PLEK: variants seen among roughly 807,000 people sequenced by gnomAD.
PLEK encodes the protein platelet 47 kDa protein.
A neutral mutation model predicts 43.9 loss-of-function variants in PLEK; 25 were observed. That is an observed-to-expected ratio of 0.57 (90% CI 0.41 to 0.79). The LOEUF (loss-of-function observed/expected upper bound fraction) is 0.79, where lower values mean the gene tolerates loss of function less well. Ranked by LOEUF, PLEK falls within the 30% of genes least tolerant of loss-of-function variation. The pLI is 0.00. For synonymous variants in PLEK, 152 were observed against 144.4 expected, an observed-to-expected ratio of 1.05 and a Z score of -0.38; for missense variants, 396 against 413.3, an observed-to-expected ratio of 0.96 and a Z score of 0.36.
At chr2:68,374,197 A>G (rs1191810035) in intron 1 of PLEK, among the ~76,000 whole-genome samples, 1 of 152,214 alleles carries the variant, frequency 6.6e-6, no homozygotes, top group Non-Finnish European at 1.5e-5. Flanking sequence ...ACATCTTCCA[A>G]GAAAAAGGAC....
At chr2:68,391,016 G>T (rs1326935065) in intron 6 of PLEK, among the ~76,000 whole-genome samples, 1 of 152,168 alleles carries the variant, frequency 6.6e-6, no homozygotes, top group East Asian at 1.9e-4. Flanking sequence ...ATCTGCTGCA[G>T]AGTTCAGCAT....
intron 6 of PLEK, among the ~76,000 whole-genome samples, chr2:68,390,954 CA>C (rs1185995496): frequency 6.6e-6 from 1 of 152,226 alleles, no homozygotes; most frequent in Non-Finnish European, 1.5e-5. Flanking sequence ...TTCTCAACCA[CA>C]TTTAGATTCC....
chr2:68,394,069 A>G (rs771871216), intron 7 of PLEK, 38 bp from the exon 8 acceptor site: 3 of 1,402,194 alleles, frequency 2.1e-6, no homozygotes, highest in Admixed American at 1.7e-5. Context: ...TATACTCTGC[A>G]TTTTGGAAAC....
chr2:68,366,935 C>T (rs1673286135), intron 1 of PLEK, among the ~76,000 whole-genome samples: 1 of 152,136 alleles, frequency 6.6e-6, no homozygotes, highest in Non-Finnish European at 1.5e-5. Context: ...ATATTTTAAT[C>T]TCCCTAAATT....
intron 6 of PLEK, among the ~76,000 whole-genome samples, chr2:68,390,103 C>A (rs753647402): frequency 2.0e-5 from 3 of 152,064 alleles, no homozygotes; most frequent in Non-Finnish European, 2.9e-5. Context: ...CAGTAGGAGA[C>A]CTGGGATGGT....
At chr2:68,374,702 A>G (rs371427929) in intron 1 of PLEK, among the ~76,000 whole-genome samples, 1 of 152,140 alleles carries the variant, frequency 6.6e-6, no homozygotes, top group African/African-American at 2.4e-5. Flanking sequence ...CCATTATTGT[A>G]ATATTTTCTC....
chr2:68,372,168 GAGA>G (rs1168192465), intron 1 of PLEK, among the ~76,000 whole-genome samples: 3 of 135,610 alleles, frequency 2.2e-5, no homozygotes, highest in African/African-American at 8.8e-5. Context: ...TTTAAATATA[GAGA>G]AGTTCATTTT....
At chr2:68,394,275 G>A in intron 8 of PLEK, 99 bp downstream of exon 8, 1 of 801,668 alleles carries the variant, frequency 1.2e-6, no homozygotes, top group Non-Finnish European at 2.2e-6. Context: ...CAATTAATCA[G>A]GATAAGCAGG....
chr2:68,382,502 TTTTG>T (rs570662826), intron 3 of PLEK, 36 bp from the exon 4 acceptor site: 574 of 1,215,902 alleles, frequency 4.7e-4, no homozygotes, highest in East Asian at 2.5e-3. Context: ...CTGGGTTTTT[TTTTG>T]TTTGTTTGTT....
At chr2:68,374,611 C>A (rs1473481159) in intron 1 of PLEK, among the ~76,000 whole-genome samples, 1 of 152,164 alleles carries the variant, frequency 6.6e-6, no homozygotes, top group African/African-American at 2.4e-5. Context: ...GTAATCAACA[C>A]ACAGATAAAG....
At chr2:68,368,537 C>T (rs991066147) in intron 1 of PLEK, among the ~76,000 whole-genome samples, 1 of 152,236 alleles carries the variant, frequency 6.6e-6, no homozygotes, top group Non-Finnish European at 1.5e-5. Flanking sequence ...AAAGAACTCA[C>T]TAGAGCCAGA....
chr2:68,378,431 T>G (rs761888134), intron 1 of PLEK, among the ~76,000 whole-genome samples: 7 of 152,206 alleles, frequency 4.6e-5, no homozygotes, highest in Non-Finnish European at 1.0e-4. Flanking sequence ...CCAAACCTTA[T>G]TCCACCAGAA....
Position 68,393,153 on chromosome 2 carries a change from T to C in PLEK, c.763-9T>C, listed in dbSNP as rs1673893488. On this transcript the variant is annotated splice_polypyrimidine_tract_variant and intron_variant, in intron 6 of 8. Transcript: ENST00000234313. ...CCATCCCTTCTTTTAATGTTGATCC[T>C]GGATACAGGGGCATAGAAGGAAAAA... is the stretch of plus-strand genomic sequence containing the variant. The C allele has an allele frequency of 6.3e-7, 1 of 1,581,288 alleles. No homozygotes were observed. The highest frequency in any genetic ancestry group is 1.7e-5 in the Admixed American group (1 of 59,956).
Position 68,380,547 on chromosome 2 carries a change from T to A in PLEK, c.198+64T>A, listed in dbSNP as rs190793314. ...GGCACTCAACTTTTGGTGCAAGCAT[T>A]GCCTACAATGTGGGTGGTGCTCCTT... is the stretch of plus-strand genomic sequence containing the variant. On this transcript the variant is annotated intron_variant, in intron 2 of 8. Transcript: ENST00000234313. 2.0e-6 allele frequency: 3 copies of A among 1,525,406 alleles called. No homozygotes were observed. The African/African-American group carries it at 4.1e-5, about 21-fold the overall frequency. 94.5% of individuals were successfully genotyped at this position (1,525,406 alleles called of 1,614,324 possible).
rs144599110 is a variant in PLEK at position 68,380,880 on chromosome 2, G to A, written c.356G>A (p.Arg119Gln). 1.2e-5 allele frequency: 19 copies of A among 1,613,648 alleles called. No homozygotes were observed. The highest frequency in any genetic ancestry group is 2.2e-5 in the South Asian group (2 of 91,046). Residue 119 changes from arginine to glutamine, a missense_variant, in exon 3 of 9, where the codon CGA becomes CAA. Physicochemically the swap from Arg to Gln is conservative, Grantham distance 43 (BLOSUM62 1). Coordinates refer to ENST00000234313, the MANE Select transcript of PLEK (RefSeq NM_002664.3). ...AGGAAATCTACCAGGAGGTCCATTC[G>A]ACTGCCAGAAACCATTGACTTAGGG... ...FARKSTRRSI[R>Q]LPETIDLGAL... is the part of the protein sequence containing the mutation.
intron 1 of PLEK, among the ~76,000 whole-genome samples, chr2:68,379,917 G>A (rs1480443957): frequency 6.6e-6 from 1 of 152,106 alleles, no homozygotes; most frequent in Non-Finnish European, 1.5e-5. Flanking sequence ...AACTACATGA[G>A]GAAATATATA....
chr2:68,380,549 C>A, intron 2 of PLEK, 66 bp downstream of exon 2: 1 of 1,519,348 alleles, frequency 6.6e-7, no homozygotes, highest in Non-Finnish European at 9.1e-7. Context: ...GCAAGCATTG[C>A]CTACAATGTG....
Position 68,395,952 on chromosome 2 carries a change from T to C in PLEK, c.*136T>C. 1 of 728,682 alleles carries C rather than the reference T, an allele frequency of 1.4e-6. No individual in the cohort carries two copies. Among genetic ancestry groups the C allele is most frequent in the Non-Finnish European group, 2.4e-6 (1 of 422,206 alleles). The allele number at this position is 728,682 out of a possible 1,614,324, so 45.1% of individuals were successfully genotyped here. A position where few individuals can be genotyped will look rare whatever the true frequency, so the allele number is the denominator to read the frequency against. On this transcript the variant is annotated 3_prime_UTR_variant, in exon 9 of 9. Coordinates refer to ENST00000234313, the MANE Select transcript of PLEK (RefSeq NM_002664.3). Reference sequence around the variant, plus strand: ...GTTTTCATTTGCAGGGGGGTCTGAATGTAACTCACCATGTGGTGTGCAAGG... The same window carrying C: ...GTTTTCATTTGCAGGGGGGTCTGAACGTAACTCACCATGTGGTGTGCAAGG...
rs148810279 is a variant in PLEK, at chr2:68,382,862, A to T, written c.472+229A>T. Among the ~76,000 whole-genome samples the T allele has an allele frequency of 1.6e-3, 248 of 152,302 alleles. 1 individual carries two copies. Among genetic ancestry groups the T allele is most frequent in the African/African-American group, 5.8e-3 (242 of 41,566 alleles). On this transcript the variant is annotated intron_variant, in intron 4 of 8. Transcript: ENST00000234313. ...TATTTGTTCAAGTTAACATTTGTTCAAGCTAACGTTCCAATCAAAGGATTT... is the reference window on the plus strand; with the variant it reads ...TATTTGTTCAAGTTAACATTTGTTCTAGCTAACGTTCCAATCAAAGGATTT...
Sources: gnomAD v4.1 joint callset for allele counts (sites outside exome capture counted in the v4.1 genomes callset) on GRCh38, gnomAD v4.1.1 for gene constraint, MANE v1.5 for transcripts, NCBI Gene and HGNC (gene_info 2026-07-23, HGNC 2026-07-21) for gene names.